Variants in ACACA observed in about 807,000 individuals in gnomAD.
The protein encoded by ACACA is acetyl-CoA carboxylase 1.
In ACACA, 103 loss-of-function variants were observed where a neutral mutation model predicts 296.1. The observed-to-expected ratio is 0.35, with a 90% CI of 0.30 to 0.41. The LOEUF (loss-of-function observed/expected upper bound fraction) is 0.41. Ranked by LOEUF, ACACA falls within the 10% of genes least tolerant of loss-of-function variation. The probability of loss-of-function intolerance (pLI) is 1.00; values close to 1 mark genes in which losing one functional copy is unlikely to be tolerated. For missense variants in ACACA, 1,554 were observed against 2,989.7 expected (o/e 0.52, Z 11.20); for synonymous variants, 953 against 1,038.6 (o/e 0.92, Z 1.58).
chr17:37,371,075 AT>A (rs915398438), intron 1 of ACACA, among the ~76,000 whole-genome samples: 4 of 151,848 alleles, frequency 2.6e-5, no homozygotes, highest in African/African-American at 9.7e-5. Context: ...AGAGAGTTCA[AT>A]TTTTTTGTTT....
intron 52 of ACACA, among the ~76,000 whole-genome samples, chr17:37,102,658 C>T (rs946583902): frequency 3.3e-5 from 5 of 152,158 alleles, no homozygotes; most frequent in Non-Finnish European, 7.3e-5. Flanking sequence ...GTTTGTTGTT[C>T]GCAAGGAGTT....
At chr17:37,350,667 C>T (rs1365451555) in intron 1 of ACACA, among the ~76,000 whole-genome samples, 2 of 152,124 alleles carry the variant, frequency 1.3e-5, no homozygotes, top group African/African-American at 4.8e-5. Context: ...TGGAGAAACC[C>T]TGTCTCTACT....
At chr17:37,193,964 A>AT (rs1182654031) in intron 35 of ACACA, among the ~76,000 whole-genome samples, 2 of 152,186 alleles carry the variant, frequency 1.3e-5, no homozygotes, top group African/African-American at 4.8e-5. Flanking sequence ...CACTACCACT[A>AT]TATGTATAGG....
rs1341481591 is a variant in ACACA, at chr17:37,406,377, C to A, written c.-78G>T. 54 of 1,515,162 alleles carry A rather than the reference C, an allele frequency of 3.6e-5. No homozygotes were observed. Among genetic ancestry groups the A allele is most frequent in the Non-Finnish European group, 4.9e-5 (53 of 1,090,448 alleles). 93.9% of individuals were successfully genotyped at this position (1,515,162 alleles called of 1,614,324 possible). On this transcript the variant is annotated 5_prime_UTR_variant, in exon 1 of 56. Coordinates refer to ENST00000616317, the MANE Select transcript of ACACA (RefSeq NM_198834.3). The stretch of plus-strand genomic sequence containing the variant: ...TTCTTTCCAAAGAAGACAATTTCGA[C>A]GTTCCAGGAGCATCTGATTGAAACG...
At chr17:37,376,830 C>A (rs1016591239) in intron 1 of ACACA, among the ~76,000 whole-genome samples, 1 of 152,084 alleles carries the variant, frequency 6.6e-6, no homozygotes, top group African/African-American at 2.4e-5. Context: ...TGGCATGCAC[C>A]TGTAATCTCA....
chr17:37,400,214 G>C (rs746302126), intron 1 of ACACA, among the ~76,000 whole-genome samples: 3 of 152,050 alleles, frequency 2.0e-5, no homozygotes, highest in African/African-American at 7.3e-5. Context: ...CTGCCTCCCG[G>C]GTTCAAGTGA....
At chr17:37,352,727 CAA>C (rs58899496) in intron 1 of ACACA, among the ~76,000 whole-genome samples, 1 of 125,994 alleles carries the variant, frequency 7.9e-6, no homozygotes. Flanking sequence ...GAGACCTTAT[CAA>C]AAAAAAAAAA....
At position 37,290,944 on chromosome 17, in the gene ACACA, T is replaced by C. The variant is rs1191955508; in HGVS notation, c.339-5974A>G. ...AAAAATACAAAAAATTAGTCGGGCG[T>C]GGTGGCGTGTGCCTGTAGTCCCAGC... On this transcript the variant is annotated intron_variant, in intron 3 of 55. Coordinates refer to ENST00000616317, the MANE Select transcript of ACACA (RefSeq NM_198834.3). Among the ~76,000 whole-genome samples the C allele has an allele frequency of 2.6e-5, 4 of 151,568 alleles. No homozygotes were observed. In the East Asian group the frequency reaches 7.9e-4, roughly 30 times the overall value.
At position 37,350,721 on chromosome 17, in the gene ACACA, C is replaced by T. The variant is rs556132360; in HGVS notation, c.39-10871G>A. Among the ~76,000 whole-genome samples the T allele has an allele frequency of 9.9e-5, 15 of 152,224 alleles. No individual in the cohort carries two copies. The East Asian group carries it at 2.7e-3, about 27-fold the overall frequency. ...GGGCATGGTGGCGCATGCCTGTAAT[C>T]CCAGCTACTCGGGAGGCTGAGGCAG... On this transcript the variant is annotated intron_variant, in intron 1 of 55. Coordinates refer to ENST00000616317, the MANE Select transcript of ACACA (RefSeq NM_198834.3).
intron 7 of ACACA, 124 bp downstream of exon 7, chr17:37,276,909 G>T: frequency 1.2e-6 from 1 of 851,542 alleles, no homozygotes; most frequent in Non-Finnish European, 2.0e-6. Context: ...GTAATAGATT[G>T]AGGGAAAAAA....
At chr17:37,181,913 A>AAAC (rs1555577994) in intron 39 of ACACA, among the ~76,000 whole-genome samples, 1 of 147,986 alleles carries the variant, frequency 6.8e-6, no homozygotes, top group Admixed American at 6.7e-5. Context: ...AAAAAAAAAA[A>AAAC]AAAAAAAAAA....
chr17:37,108,974 A>AATT, intron 52 of ACACA, among the ~76,000 whole-genome samples: 1 of 152,164 alleles, frequency 6.6e-6, no homozygotes, highest in East Asian at 1.9e-4. Context: ...TCCATTCTGG[A>AATT]CTCTGATGTA....
At chr17:37,184,722 G>A (rs548593383) in intron 39 of ACACA, among the ~76,000 whole-genome samples, 2 of 151,916 alleles carry the variant, frequency 1.3e-5, no homozygotes, top group East Asian at 1.9e-4. Flanking sequence ...GGTGGTAGAC[G>A]CCTTTAGTCC....
chr17:37,253,324 G>A lies in ACACA; in HGVS notation c.1827-288C>T, dbSNP rs572684033. Among the ~76,000 whole-genome samples, 186 of 152,142 alleles carry A rather than the reference G, an allele frequency of 1.2e-3. 1 individual carries two copies. The highest frequency in any genetic ancestry group is 3.8e-3 in the African/African-American group (159 of 41,500). ...GGAGAATGGCGTGAACCCGGGAGGC[G>A]GAGCTTGCAGTGAGCAGAGATCACG... On this transcript the variant is annotated intron_variant, in intron 14 of 55. Coordinates refer to ENST00000616317, the MANE Select transcript of ACACA (RefSeq NM_198834.3).
At chr17:37,389,239 C>T (rs781607152) in intron 1 of ACACA, 2 of 1,573,294 alleles carry the variant, frequency 1.3e-6, no homozygotes, top group Non-Finnish European at 8.6e-7. Context: ...TCATTTTCTC[C>T]CTTCAGTATC....
intron 25 of ACACA, among the ~76,000 whole-genome samples, chr17:37,232,753 G>T (rs527419777): frequency 6.6e-6 from 1 of 151,700 alleles, no homozygotes; most frequent in Non-Finnish European, 1.5e-5. Context: ...ATCCTCTTAC[G>T]TTTACTGGGT....
rs75820734 is a variant in ACACA, at chr17:37,259,341, C to T, written c.1500+19G>A. ...CTCTGACTTTTCTAGGCTCTGCAAC[C>T]CAGATCAGGGAGACTCACCTGGAGC... On this transcript the variant is annotated intron_variant, in intron 12 of 55. Transcript: ENST00000616317. The T allele has an allele frequency of 2.9e-4, 471 of 1,613,954 alleles. 2 individuals carry two copies. In the African/African-American group the frequency reaches 5.7e-3, roughly 20 times the overall value.
chr17:37,346,083 G>GA (rs990205635), intron 1 of ACACA, among the ~76,000 whole-genome samples: 1 of 151,290 alleles, frequency 6.6e-6, no homozygotes, highest in African/African-American at 2.4e-5. Flanking sequence ...ATCTCTAGAG[G>GA]AAAAAAAACC....
At chr17:37,101,790 T>C (rs2073374735) in intron 52 of ACACA, among the ~76,000 whole-genome samples, 1 of 152,144 alleles carries the variant, frequency 6.6e-6, no homozygotes, top group Non-Finnish European at 1.5e-5. Context: ...GATTTAAGAG[T>C]TGTGTCTCTT....
Sources: allele counts gnomAD v4.1 joint callset (sites outside exome capture counted in the v4.1 genomes callset), GRCh38; gene constraint gnomAD v4.1.1; transcripts MANE v1.5; gene names NCBI Gene and HGNC (gene_info 2026-07-23, HGNC 2026-07-21).